PDE8B: variants seen among roughly 807,000 people sequenced by gnomAD.
PDE8B encodes high affinity cAMP-specific and IBMX-insensitive 3',5'-cyclic phosphodiesterase 8B.
A neutral mutation model predicts 101.3 loss-of-function variants in PDE8B; 26 were observed. The observed-to-expected ratio is 0.26, with a 90% CI of 0.19 to 0.36. The LOEUF is 0.36. PDE8B is among the 10% of genes least tolerant of loss of function. The pLI, the probability that PDE8B is intolerant of heterozygous loss-of-function variation, is 1.00. For missense variants in PDE8B, 810 were observed against 1,163.1 expected (o/e 0.70, Z 4.42); for synonymous variants, 424 against 429.3 (o/e 0.99, Z 0.15).
intron 21 of PDE8B, 149 bp downstream of exon 21, chr5:77,426,045 ATTCTT>A: frequency 2.8e-6 from 2 of 722,538 alleles, no homozygotes; most frequent in Non-Finnish European, 4.9e-6. Flanking sequence ...GGTGGGGTGC[ATTCTT>A]TGCATCCCCA....
chr5:77,120,004 A>T, the PDE8B span, among the ~76,000 whole-genome samples: 1 of 151,922 alleles, frequency 6.6e-6, no homozygotes, highest in Admixed American at 6.6e-5. Context: ...GTTTCTAAAC[A>T]AAACAAAACA....
At chr5:77,381,332 A>G (rs1041627670) in intron 10 of PDE8B, among the ~76,000 whole-genome samples, 16 of 152,176 alleles carry the variant, frequency 1.1e-4, no homozygotes, top group Non-Finnish European at 7.4e-5. Context: ...ACAGGATTGG[A>G]TGATGGACTG....
chr5:77,139,725 T>A, the PDE8B span: 1 of 152,244 alleles, frequency 6.6e-6, no homozygotes, highest in African/African-American at 2.4e-5. Context: ...AACCATTAAA[T>A]ATTTCTATTT....
the PDE8B span, among the ~76,000 whole-genome samples, chr5:77,132,544 T>G: frequency 1.3e-5 from 2 of 152,358 alleles, no homozygotes; most frequent in Non-Finnish European, 2.9e-5. Context: ...TACCTATACT[T>G]GGGTTTTCCC....
chr5:77,264,031 T>C (rs1761165083), intron 1 of PDE8B, among the ~76,000 whole-genome samples: 1 of 152,228 alleles, frequency 6.6e-6, no homozygotes, highest in African/African-American at 2.4e-5. Context: ...AATGAACTCA[T>C]GCAGTACGTG....
In PDE8B at chr5:77,384,678, G is replaced by A. The variant is rs927125449; in HGVS notation, c.1168-15570G>A. 2.0e-5 allele frequency among the ~76,000 whole-genome samples: 3 copies of A among 152,076 alleles called. No homozygotes were observed. The East Asian group carries it at 5.8e-4, about 29-fold the overall frequency. ...ACCTAGTTTATTGAGAGTTTTTAGT[G>A]TGAAGGCCTGTTGAATTTTGTTGAA... On this transcript the variant is annotated intron_variant, in intron 10 of 21. Coordinates refer to ENST00000264917, the MANE Select transcript of PDE8B (RefSeq NM_003719.5).
the PDE8B span, among the ~76,000 whole-genome samples, chr5:77,131,783 T>C: frequency 1.3e-5 from 2 of 152,178 alleles, no homozygotes; most frequent in African/African-American, 2.4e-5. Flanking sequence ...AAAAGGCTTT[T>C]TTTGGGTATA....
chr5:77,299,643 A>G lies in PDE8B; in HGVS notation c.340-12351A>G, dbSNP rs557231964. Among the ~76,000 whole-genome samples, 508 of 151,948 alleles carry G rather than the reference A, an allele frequency of 3.3e-3. 3 individuals are homozygous for G. Among genetic ancestry groups the G allele is most frequent in the African/African-American group, 0.011 (466 of 41,412 alleles). On this transcript the variant is annotated intron_variant, in intron 1 of 21. Transcript: ENST00000264917. ...CTGCATAGTATTCCATGGTGTATAT[A>G]TGCCACATTTTCTTAATCCAGTCTA...
the PDE8B span, among the ~76,000 whole-genome samples, chr5:77,099,618 T>C: frequency 0.22 from 33,708 of 151,492 alleles, 4,478 homozygotes; most frequent in Admixed American, 0.34. Context: ...TTCTTTTTTT[T>C]TTTTTCTTTG....
At chr5:77,291,435 G>T in intron 1 of PDE8B, 1 of 1,611,516 alleles carries the variant, frequency 6.2e-7, no homozygotes, top group East Asian at 2.2e-5. Flanking sequence ...GACAGGTCTT[G>T]CCCACGATGC....
At chr5:77,098,905 A>G in the PDE8B span, among the ~76,000 whole-genome samples, 1 of 152,128 alleles carries the variant, frequency 6.6e-6, no homozygotes, top group Admixed American at 6.5e-5. Context: ...TTTAGGGCAA[A>G]CCCACTCCCA....
At chr5:77,163,040 C>T in the PDE8B span, among the ~76,000 whole-genome samples, 6 of 152,218 alleles carry the variant, frequency 3.9e-5, no homozygotes, top group African/African-American at 9.6e-5. Flanking sequence ...CTTGGGAAAG[C>T]GACATTAAAA....
chr5:77,363,764 A>C (rs910831726), intron 10 of PDE8B, among the ~76,000 whole-genome samples: 11 of 151,856 alleles, frequency 7.2e-5, no homozygotes, highest in African/African-American at 2.4e-4. Flanking sequence ...CCTCTGCAAA[A>C]GTGAAAAGGC....
At chr5:77,148,145 A>G in the PDE8B span, 1 of 152,214 alleles carries the variant, frequency 6.6e-6, no homozygotes, top group East Asian at 1.9e-4. Context: ...ACTGTTAACA[A>G]ACTTGCTACA....
At chr5:77,183,195 C>T in the PDE8B span, among the ~76,000 whole-genome samples, 22 of 152,090 alleles carry the variant, frequency 1.4e-4, no homozygotes, top group Admixed American at 6.5e-5. Context: ...TCTCGGCTCA[C>T]TGCAACCTCT....
chr5:77,424,553 T>C (rs921567600), intron 20 of PDE8B, among the ~76,000 whole-genome samples: 1 of 152,196 alleles, frequency 6.6e-6, no homozygotes, highest in African/African-American at 2.4e-5. Context: ...TGAACAATCA[T>C]AGTTTGACAG....
At chr5:77,335,532 G>GGGGTGTGTGT (rs1355843483) in intron 5 of PDE8B, among the ~76,000 whole-genome samples, 1 of 145,572 alleles carries the variant, frequency 6.9e-6, no homozygotes, top group Admixed American at 6.9e-5. Flanking sequence ...GTATATGTGG[G>GGGGTGTGTGT]GTGTGTGTGT....
the PDE8B span, among the ~76,000 whole-genome samples, chr5:77,138,252 A>G: frequency 6.6e-6 from 1 of 151,948 alleles, no homozygotes; most frequent in East Asian, 1.9e-4. Flanking sequence ...CTGAAGCCAC[A>G]TGGATGGTTT....
intron 17 of PDE8B, among the ~76,000 whole-genome samples, chr5:77,416,940 C>T (rs1255187880): frequency 1.3e-5 from 2 of 152,074 alleles, no homozygotes; most frequent in African/African-American, 4.8e-5. Flanking sequence ...CTGAACAGAC[C>T]TTTTTTGTTT....
Sources: allele counts gnomAD v4.1 joint callset (sites outside exome capture counted in the v4.1 genomes callset), GRCh38; gene constraint gnomAD v4.1.1; transcripts MANE v1.5; gene names NCBI Gene and HGNC (gene_info 2026-07-23, HGNC 2026-07-21).